The following AMMECR1 variants were observed in gnomAD, a reference collection of about 807,000 sequenced individuals.
AMMECR1 encodes nuclear protein AMMECR1.
AMMECR1 carries 3 observed loss-of-function variants against 22.5 expected under a neutral mutation model. The observed-to-expected ratio is 0.13, with a 90% CI of 0.06 to 0.35. The LOEUF (loss-of-function observed/expected upper bound fraction) is 0.35. Ranked by LOEUF, AMMECR1 falls within the 10% of genes least tolerant of loss-of-function variation. The probability of loss-of-function intolerance (pLI) is 1.00; values close to 1 mark genes in which losing one functional copy is unlikely to be tolerated. For missense variants in AMMECR1, 235 were observed against 278.7 expected (o/e 0.84, Z 1.12); for synonymous variants, 130 against 116.7 (o/e 1.11, Z -0.74).
At chrX:110,410,225 G>A (rs189079929) in intron 2 of AMMECR1, among the ~76,000 whole-genome samples, 6 of 111,477 alleles carry the variant, frequency 5.4e-5, no homozygotes, top group Non-Finnish European at 9.4e-5. Context: ...GTGGTGGGAC[G>A]ATCTGACATT....
intron 2 of AMMECR1, among the ~76,000 whole-genome samples, chrX:110,409,862 ACCTGTTG>A (rs2068629568): frequency 9.0e-6 from 1 of 110,954 alleles, no homozygotes; most frequent in Non-Finnish European, 1.9e-5. Context: ...GTATTGAACC[ACCTGTTG>A]TCAGGAGCAG....
chrX:110,372,140 C>T (rs2068343440), intron 2 of AMMECR1, among the ~76,000 whole-genome samples: 1 of 111,701 alleles, frequency 9.0e-6, no homozygotes, highest in Admixed American at 9.5e-5. Context: ...GTGTTTAGAT[C>T]TTGGGCTTCT....
chrX:110,439,018 C>T (rs1360648012), intron 1 of AMMECR1, among the ~76,000 whole-genome samples: 5 of 112,120 alleles, frequency 4.5e-5, no homozygotes, highest in African/African-American at 1.6e-4. Flanking sequence ...TCCCGCTCAC[C>T]TCCAAACAAG....
At chrX:110,228,718 A>ATG (rs2067546826) in intron 2 of AMMECR1, among the ~76,000 whole-genome samples, 1 of 110,656 alleles carries the variant, frequency 9.0e-6, no homozygotes, top group South Asian at 3.9e-4. Context: ...CACCAACACT[A>ATG]TGTGTGTGTG....
chrX:110,251,517 C>T (rs1489232358), intron 2 of AMMECR1, among the ~76,000 whole-genome samples: 1 of 111,967 alleles, frequency 8.9e-6, no homozygotes, highest in Non-Finnish European at 1.9e-5. Flanking sequence ...AATGGGTTTT[C>T]CTCTCTGGTG....
At chrX:110,285,250 A>G (rs2067873194) in intron 1 of AMMECR1, among the ~76,000 whole-genome samples, 1 of 112,169 alleles carries the variant, frequency 8.9e-6, no homozygotes, top group Non-Finnish European at 1.9e-5. Context: ...TGGACCAGCA[A>G]CGTTGGCATC....
chrX:110,346,161 T>C (rs2068188088), intron 2 of AMMECR1, among the ~76,000 whole-genome samples: 1 of 112,387 alleles, frequency 8.9e-6, no homozygotes, highest in African/African-American at 3.2e-5. Context: ...AATATTGAAG[T>C]ATTTGCATAA....
At chrX:110,292,064 T>C (rs1362858767) in intron 1 of AMMECR1, among the ~76,000 whole-genome samples, 1 of 112,323 alleles carries the variant, frequency 8.9e-6, no homozygotes, top group East Asian at 2.8e-4. Flanking sequence ...TACACTATAA[T>C]TATATATCAC....
chrX:110,252,408 C>T (rs1383042616), intron 2 of AMMECR1, among the ~76,000 whole-genome samples: 3 of 110,871 alleles, frequency 2.7e-5, no homozygotes, highest in Non-Finnish European at 3.8e-5. Context: ...CATAGTGAGA[C>T]GCTGTTCCCC....
rs374129100 is a variant in AMMECR1 at position 110,194,238 on chromosome X, T to C, written c.*4282A>G. On this transcript the variant is annotated 3_prime_UTR_variant, in exon 6 of 6. Coordinates refer to ENST00000262844, the MANE Select transcript of AMMECR1 (RefSeq NM_015365.3). ...GATTTTAAAGGTAATAACAATAGTG[T>C]CAAAACTACTACAATATCTTTCCAC... is the stretch of plus-strand genomic sequence containing the variant. 9 of 112,288 alleles carry C rather than the reference T, an allele frequency of 8.0e-5. No homozygotes were observed. Among genetic ancestry groups the C allele is most frequent in the African/African-American group, 2.3e-4 (7 of 30,867 alleles). 9.3% of individuals were successfully genotyped at this position (112,288 alleles called of 1,213,427 possible). A position where few individuals can be genotyped will look rare whatever the true frequency, so the allele number is the denominator to read the frequency against.
chrX:110,212,967 T>G (rs1414432146), intron 3 of AMMECR1, among the ~76,000 whole-genome samples: 1 of 112,005 alleles, frequency 8.9e-6, no homozygotes, highest in Non-Finnish European at 1.9e-5. Flanking sequence ...GTAGTTATTC[T>G]CAGAATGGTG....
chrX:110,279,958 A>AT (rs1156786171), intron 1 of AMMECR1, among the ~76,000 whole-genome samples: 3 of 111,979 alleles, frequency 2.7e-5, no homozygotes, highest in African/African-American at 9.7e-5. Flanking sequence ...ATAAAAGGGC[A>AT]TTTTTCAAAT....
chrX:110,344,548 T>C (rs2068179983), intron 2 of AMMECR1, among the ~76,000 whole-genome samples: 1 of 110,350 alleles, frequency 9.1e-6, no homozygotes. Context: ...ACCATCAGAG[T>C]GAACAGGCAA....
chrX:110,367,800 C>T, intron 2 of AMMECR1, among the ~76,000 whole-genome samples: 1 of 109,689 alleles, frequency 9.1e-6, no homozygotes, highest in African/African-American at 3.3e-5. Context: ...ATACTTTCAG[C>T]TGAATAGTTA....
intron 2 of AMMECR1, among the ~76,000 whole-genome samples, chrX:110,245,039 A>T (rs1569385868): frequency 8.9e-6 from 1 of 112,110 alleles, no homozygotes; most frequent in Non-Finnish European, 1.9e-5. Flanking sequence ...TTTTTTAAAA[A>T]GCCAGAATAT....
At chrX:110,262,140 A>T (rs1367777190) in intron 2 of AMMECR1, among the ~76,000 whole-genome samples, 2 of 111,808 alleles carry the variant, frequency 1.8e-5, no homozygotes, top group Admixed American at 1.9e-4. Flanking sequence ...TTTAAAAATG[A>T]CTCCTTACAA....
chrX:110,249,532 A>G (rs933954520), intron 2 of AMMECR1, among the ~76,000 whole-genome samples: 2 of 111,567 alleles, frequency 1.8e-5, no homozygotes, highest in African/African-American at 6.5e-5. Context: ...TACCTACGAG[A>G]GTTCCAGCAC....
chrX:110,318,095 G>C, upstream of AMMECR1: 1 of 1,161,227 alleles, frequency 8.6e-7, no homozygotes, highest in Non-Finnish European at 1.2e-6. Context: ...CCCCCACGCA[G>C]CGTTTCCGAC....
chrX:110,267,396 T>A lies in AMMECR1; in HGVS notation c.474-2797A>T, dbSNP rs776209306. ...CGCCATCCTGTCTCTTCTTTTTTTT[T>A]AAAAAAAAAAAAACTTTATTTTTTG... On this transcript the variant is annotated intron_variant, in intron 1 of 5. Transcript: ENST00000262844. Among the ~76,000 whole-genome samples, 959 of 101,765 alleles carry A rather than the reference T, an allele frequency of 9.4e-3. 7 individuals are homozygous for A. Among genetic ancestry groups the A allele is most frequent in the East Asian group, 0.033 (110 of 3,322 alleles). 88.4% of individuals were successfully genotyped at this position (101,765 alleles called of 115,157 possible). A position where few individuals can be genotyped will look rare whatever the true frequency, so the allele number is the denominator to read the frequency against.
Sources: gnomAD v4.1 joint callset for allele counts (sites outside exome capture counted in the v4.1 genomes callset) on GRCh38, gnomAD v4.1.1 for gene constraint, MANE v1.5 for transcripts, NCBI Gene and HGNC (gene_info 2026-07-23, HGNC 2026-07-21) for gene names.